ABCC6: variants seen among roughly 807,000 people sequenced by gnomAD.
ABCC6 encodes the protein ATP binding cassette subfamily C member 6.
A neutral mutation model predicts 169.5 loss-of-function variants in ABCC6; 126 were observed. The observed-to-expected ratio is 0.74, with a 90% CI of 0.64 to 0.86. ABCC6 has a LOEUF of 0.86. Ranked by LOEUF, ABCC6 falls within the 40% of genes least tolerant of loss-of-function variation. The probability of loss-of-function intolerance (pLI) is 0.00; values close to 1 mark genes in which losing one functional copy is unlikely to be tolerated. For synonymous variants in ABCC6, 752 were observed against 814.7 expected, an observed-to-expected ratio of 0.92 and a Z score of 1.31; for missense variants, 1,733 against 1,927.2, an observed-to-expected ratio of 0.90 and a Z score of 1.89.
chr16:16,199,929 A>G (rs567123620), intron 9 of ABCC6, among the ~76,000 whole-genome samples: 29 of 151,896 alleles, frequency 1.9e-4, no homozygotes, highest in African/African-American at 6.3e-4. Flanking sequence ...TTAACTGGGC[A>G]TGCTGGTGGG....
chr16:16,206,983 T>A (rs1340930847), intron 7 of ABCC6, among the ~76,000 whole-genome samples: 6 of 152,088 alleles, frequency 3.9e-5, no homozygotes, highest in African/African-American at 7.2e-5. Context: ...CTAAAAAAAA[T>A]TTAAAAATCA....
In ABCC6 at chr16:16,157,755, G is replaced by C; in HGVS notation, c.3790C>G (p.Gln1264Glu). ...AAQPPWPQGG[Q>E]IEFRDFGLRY... The stretch of plus-strand genomic sequence containing the variant: ...AGCCCAAAGTCCCGGAACTCGATCT[G>C]CCCGCCCTGAGGCCAGGGGGGCTGA... Residue 1264 changes from glutamine to glutamate, a missense_variant, in exon 27 of 31, where the codon CAG becomes GAG. Around this residue, in one of 5 missense-constraint regions of ABCC6, gnomAD observed 1,601 missense variants for 1,635.5 expected, o/e 0.98. Transcript: ENST00000205557. 6.2e-7 allele frequency: 1 copy of C among 1,613,806 alleles called. No homozygotes were observed. The highest frequency in any genetic ancestry group is 1.3e-5 in the African/African-American group (1 of 75,030).
In ABCC6 at chr16:16,150,170, A is replaced by AT. The variant is rs780884882; in HGVS notation, c.4474_4475insA (p.Leu1492HisfsTer36). ...TGACTCCTGGGCCAGTCTGTAAAAC[A>AT]GGCCCTTCTGGGCCAGCAGCTGGGC... On this transcript the variant is annotated frameshift_variant, in exon 31 of 31. Transcript: ENST00000205557. LOFTEE classifies it high-confidence loss of function. 3.7e-6 allele frequency: 6 copies of AT among 1,613,378 alleles called. No individual in the cohort carries two copies. In the South Asian group the frequency reaches 6.6e-5, roughly 18 times the overall value.
Position 16,214,223 on chromosome 16 carries a change from T to C in ABCC6, c.600+101A>G. 2.1e-5 allele frequency: 33 copies of C among 1,545,336 alleles called. No individual in the cohort carries two copies. In the South Asian group the frequency reaches 3.7e-4, roughly 17 times the overall value. On this transcript the variant is annotated intron_variant, in intron 5 of 30. Transcript: ENST00000205557. Reference sequence around the variant, plus strand: ...AGTAGAAATGTGGTACACTTTTTGCTGAATGGCTAAATGAATAAAAAAATT... The same window carrying C: ...AGTAGAAATGTGGTACACTTTTTGCCGAATGGCTAAATGAATAAAAAAATT...
At chr16:16,176,546 A>G (rs1266743485) in intron 19 of ABCC6, among the ~76,000 whole-genome samples, 1 of 152,268 alleles carries the variant, frequency 6.6e-6, no homozygotes, top group East Asian at 1.9e-4. Flanking sequence ...GGCAAGTTCT[A>G]TCTTCAAGCT....
chr16:16,193,365 C>T (rs1338636343), intron 10 of ABCC6, among the ~76,000 whole-genome samples: 2 of 152,192 alleles, frequency 1.3e-5, no homozygotes, highest in African/African-American at 4.8e-5. Context: ...CAGCAGCCCT[C>T]TGGGTTGCTC....
chr16:16,203,738 T>C, intron 7 of ABCC6, 125 bp from the exon 8 acceptor site: 3 of 1,021,488 alleles, frequency 2.9e-6, no homozygotes, highest in Non-Finnish European at 4.5e-6. Flanking sequence ...CTAGCCTGGC[T>C]CCCTCACCTG....
chr16:16,213,558 C>CTTTTTT (rs61603385), intron 5 of ABCC6, among the ~76,000 whole-genome samples: 2 of 72,390 alleles, frequency 2.8e-5, no homozygotes, highest in Non-Finnish European at 5.6e-5. Flanking sequence ...CTTTTTCCTT[C>CTTTTTT]TTTTTTTTTT....
chr16:16,215,157 G>A (rs903160812), intron 4 of ABCC6, among the ~76,000 whole-genome samples: 1 of 152,208 alleles, frequency 6.6e-6, no homozygotes, highest in African/African-American at 2.4e-5. Context: ...ATGAGAGCTG[G>A]TTTTATTGAG....
rs1373105392 is a variant in ABCC6, at chr16:16,157,710, G to A, written c.3835C>T (p.Pro1279Ser). The A allele has an allele frequency of 6.2e-7, 1 of 1,614,026 alleles. No individual in the cohort carries two copies. Among genetic ancestry groups the A allele is most frequent in the East Asian group, 2.2e-5 (1 of 44,856 alleles). The change falls in exon 27 of 31, where the codon CCG (proline) becomes TCG (serine). Residue 1279 changes from proline to serine, a missense_variant. This residue lies in a region of ABCC6 where 1,601 missense variants were observed against 1,635.5 expected (regional missense o/e 0.98). Transcript: ENST00000205557. ...AAGGACACGCCCTGCACAGCCAGCG[G>A]GAGCTCAGGTCGGTATCTTAGCCCA... ...DFGLRYRPEL[P>S]LAVQGVSFKI... is the part of the protein sequence containing the mutation.
rs769829673 is a variant in ABCC6 at position 16,208,864 on chromosome 16, A to C, written c.663-5T>G. On this transcript the variant is annotated splice_region_variant and splice_polypyrimidine_tract_variant and intron_variant, in intron 6 of 30. Coordinates refer to ENST00000205557, the MANE Select transcript of ABCC6 (RefSeq NM_001171.6). The stretch of plus-strand genomic sequence containing the variant: ...CTGTATCCCCTCCAGACCAGGCTGC[A>C]AAAGAGGGGCACCAGGGAAAGCTTT... The C allele has an allele frequency of 2.2e-5, 36 of 1,613,280 alleles. No individual in the cohort carries two copies. Among genetic ancestry groups the C allele is most frequent in the Non-Finnish European group, 3.0e-5 (35 of 1,179,710 alleles).
At chr16:16,202,573 G>T (rs2152283051) in intron 8 of ABCC6, among the ~76,000 whole-genome samples, 1 of 151,606 alleles carries the variant, frequency 6.6e-6, no homozygotes, top group Admixed American at 6.6e-5. Flanking sequence ...ATCTGATGGG[G>T]TCCTTTTAAG....
chr16:16,167,678 A>G (rs2046921596), intron 22 of ABCC6, among the ~76,000 whole-genome samples: 1 of 152,170 alleles, frequency 6.6e-6, no homozygotes, highest in African/African-American at 2.4e-5. Context: ...CATGTTCGCC[A>G]GGCTGATCTT....
At chr16:16,211,498 A>G (rs116612786) in intron 6 of ABCC6, among the ~76,000 whole-genome samples, 5,406 of 152,302 alleles carry the variant, frequency 0.035, 115 homozygotes, top group African/African-American at 0.046. Context: ...TCACAACCCT[A>G]TGAGCTAAGT....
intron 20 of ABCC6, 106 bp downstream of exon 20, chr16:16,175,805 A>G (rs1385310673): frequency 2.3e-6 from 3 of 1,286,008 alleles, no homozygotes; most frequent in African/African-American, 2.9e-5. Flanking sequence ...TTCTCTATCC[A>G]TAATGGTTTT....
rs765531398 is a variant in ABCC6 at position 16,150,562 on chromosome 16, G to A, written c.4403+16C>T. On this transcript the variant is annotated intron_variant, in intron 30 of 30. Coordinates refer to ENST00000205557, the MANE Select transcript of ABCC6 (RefSeq NM_001171.6). ...TGCAGGGCTGCTGTGAGGTCAGGCCGGGGCGGGAGCCTTACCGGGCACAGT... is the reference window on the plus strand; with the variant it reads ...TGCAGGGCTGCTGTGAGGTCAGGCCAGGGCGGGAGCCTTACCGGGCACAGT... The A allele has an allele frequency of 1.5e-5, 24 of 1,604,112 alleles. No homozygotes were observed. Among genetic ancestry groups the A allele is most frequent in the South Asian group, 2.2e-5 (2 of 90,792 alleles).
At chr16:16,191,582 TTTTCTTTCCTTCCTTCCCTATCTCC>T (rs2152271458) in intron 11 of ABCC6, among the ~76,000 whole-genome samples, 1 of 148,778 alleles carries the variant, frequency 6.7e-6, no homozygotes, top group Admixed American at 6.7e-5. Flanking sequence ...CTTTCCCGCC[TTTTCTTTCCTTCCTTCCCTATCTCC>T]TTTCTTCCTC....
chr16:16,210,178 T>C (rs1378241254), intron 6 of ABCC6, among the ~76,000 whole-genome samples: 9 of 152,040 alleles, frequency 5.9e-5, no homozygotes, highest in South Asian at 2.1e-4. Flanking sequence ...ACTCTGTTGC[T>C]CAGGCTGGAG....
At position 16,214,199 on chromosome 16, in the gene ABCC6, G is replaced by A. The variant is rs2048761268; in HGVS notation, c.600+125C>T. ...AAAAGTCTGCCAACTGTGGCATCGA[G>A]TAGAAATGTGGTACACTTTTTGCTG... On this transcript the variant is annotated intron_variant, in intron 5 of 30. Coordinates refer to ENST00000205557, the MANE Select transcript of ABCC6 (RefSeq NM_001171.6). 5 of 1,538,080 alleles carry A rather than the reference G, an allele frequency of 3.3e-6. No homozygotes were observed. The East Asian group carries it at 7.3e-5, about 23-fold the overall frequency.
Sources: gnomAD v4.1 joint callset for allele counts (sites outside exome capture counted in the v4.1 genomes callset) on GRCh38, gnomAD v4.1.1 for gene constraint, gnomAD v4.1.1 regional missense constraint, MANE v1.5 for transcripts, NCBI Gene and HGNC (gene_info 2026-07-23, HGNC 2026-07-21) for gene names.